The following ARFGAP1 variants were observed in gnomAD, a reference collection of about 807,000 sequenced individuals.
ARFGAP1 encodes the protein ADP-ribosylation factor GTPase-activating protein 1.
ARFGAP1 carries 26 observed loss-of-function variants against 54.0 expected under a neutral mutation model. That is an observed-to-expected ratio of 0.48 (90% confidence interval 0.35 to 0.67). ARFGAP1 has a LOEUF of 0.67. ARFGAP1 is among the 30% of genes least tolerant of loss of function. The pLI, the probability that ARFGAP1 is intolerant of heterozygous loss-of-function variation, is 0.00. For missense variants in ARFGAP1, 525 were observed against 535.8 expected (o/e 0.98, Z 0.20); for synonymous variants, 248 against 211.9 (o/e 1.17, Z -1.48).
intron 8 of ARFGAP1, among the ~76,000 whole-genome samples, chr20:63,281,990 G>A: frequency 6.6e-6 from 1 of 152,156 alleles, no homozygotes; most frequent in Non-Finnish European, 1.5e-5. Context: ...AAGTCACGGT[G>A]CGCACCTGTC....
At chr20:63,285,571 C>A in intron 10 of ARFGAP1, 83 bp from the exon 11 acceptor site, 1 of 1,455,060 alleles carries the variant, frequency 6.9e-7, no homozygotes, top group Non-Finnish European at 9.6e-7. Context: ...CGGATGCCCT[C>A]ACCCGGGGGA....
chr20:63,275,834 C>T (rs955466424), intron 2 of ARFGAP1, among the ~76,000 whole-genome samples, 194 bp downstream of exon 2: 2 of 152,196 alleles, frequency 1.3e-5, no homozygotes, highest in Non-Finnish European at 2.9e-5. Flanking sequence ...TTCTGGCGCT[C>T]ATCAGTGCTG....
At chr20:63,284,438 G>A (rs929889930) in intron 9 of ARFGAP1, 4 of 1,084,242 alleles carry the variant, frequency 3.7e-6, no homozygotes, top group African/African-American at 1.6e-5. Context: ...TTCTTCCTAT[G>A]GCCCCAGCCT....
At position 63,284,661 on chromosome 20, in the gene ARFGAP1, C is replaced by T. The variant is rs957499420; in HGVS notation, c.718-205C>T. ...TTCCTGCAAGAATTGGTGGGGGCCG[C>T]GGTCTCCGCCTTCTAGAGGTGGCGG... is the stretch of plus-strand genomic sequence containing the variant. On this transcript the variant is annotated intron_variant, in intron 9 of 12. Coordinates refer to ENST00000370283, the MANE Select transcript of ARFGAP1 (RefSeq NM_018209.4). 2.3e-5 allele frequency: 32 copies of T among 1,414,724 alleles called. 1 individual carries two copies. In the Admixed American group the frequency reaches 5.0e-4, roughly 22 times the overall value. The allele number at this position is 1,414,724 out of a possible 1,614,324, so 87.6% of individuals were successfully genotyped here. A position where few individuals can be genotyped will look rare whatever the true frequency, so the allele number is the denominator to read the frequency against.
At chr20:63,284,465 C>T (rs2067470299) in intron 9 of ARFGAP1, 4 of 1,111,306 alleles carry the variant, frequency 3.6e-6, no homozygotes, top group African/African-American at 1.6e-5. Context: ...CCTCTTCCCT[C>T]CAGGGGGGAC....
chr20:63,274,222 C>G (rs1379563824), intron 1 of ARFGAP1: 1 of 132,874 alleles, frequency 7.5e-6, no homozygotes, highest in Non-Finnish European at 1.5e-5. Context: ...TGTTTATTTC[C>G]TAACTTTGAA....
chr20:63,277,538 T>G (rs1343216440), intron 5 of ARFGAP1, among the ~76,000 whole-genome samples: 4 of 152,212 alleles, frequency 2.6e-5, no homozygotes, highest in Non-Finnish European at 5.9e-5. Context: ...GCCTTCCAGG[T>G]GTGCACACAG....
At chr20:63,279,238 G>A (rs554241137) in intron 7 of ARFGAP1, 11 of 579,824 alleles carry the variant, frequency 1.9e-5, no homozygotes, top group East Asian at 7.2e-5. Context: ...TTGCTTTGTC[G>A]CCCAGGCTGC....
chr20:63,274,842 A>G (rs1474029583), intron 1 of ARFGAP1, among the ~76,000 whole-genome samples: 1 of 152,210 alleles, frequency 6.6e-6, no homozygotes, highest in Non-Finnish European at 1.5e-5. Context: ...TGCTGAAGCT[A>G]GGAGAGCTGC....
chr20:63,285,473 A>G, intron 10 of ARFGAP1, 181 bp from the exon 11 acceptor site: 1 of 657,998 alleles, frequency 1.5e-6, no homozygotes. Context: ...TCACAGTGAC[A>G]TGGTTTCTTG....
intron 9 of ARFGAP1, chr20:63,284,275 C>T (rs1005294929): frequency 8.9e-7 from 1 of 1,118,146 alleles, no homozygotes; most frequent in Non-Finnish European, 1.1e-6. Flanking sequence ...AGGATCTTTG[C>T]TCTGTGACGA....
chr20:63,282,165 G>T (rs900495609), intron 8 of ARFGAP1, among the ~76,000 whole-genome samples: 1 of 152,222 alleles, frequency 6.6e-6, no homozygotes, highest in Non-Finnish European at 1.5e-5. Flanking sequence ...GGGAGAGGAA[G>T]GCCTGGGAGG....
chr20:63,286,819 G>T (rs1425892234), intron 12 of ARFGAP1: 2 of 244,070 alleles, frequency 8.2e-6, no homozygotes, highest in South Asian at 1.4e-4. Context: ...CTGCTCTGCT[G>T]TTCCTCTGTC....
intron 11 of ARFGAP1, chr20:63,285,925 C>T (rs2067523387): frequency 1.3e-5 from 19 of 1,478,174 alleles, no homozygotes; most frequent in Non-Finnish European, 1.7e-5. Flanking sequence ...CACTAACTGT[C>T]ACTTCTCCCT....
chr20:63,285,390 G>A (rs906558845), intron 10 of ARFGAP1: 86 of 558,016 alleles, frequency 1.5e-4, no homozygotes, highest in Admixed American at 3.5e-4. Context: ...CTGGGGCAGC[G>A]TGGGCTGTCC....
chr20:63,275,808 C>G (rs1216567445), intron 2 of ARFGAP1, among the ~76,000 whole-genome samples, 168 bp downstream of exon 2: 2 of 152,208 alleles, frequency 1.3e-5, no homozygotes, highest in Non-Finnish European at 2.9e-5. Flanking sequence ...GTGGCCGGCT[C>G]TTAGAGTGGT....
chr20:63,282,621 G>A lies in ARFGAP1; in HGVS notation c.685-198G>A, dbSNP rs556361304. On this transcript the variant is annotated intron_variant, in intron 8 of 12. Transcript: ENST00000370283. Reference sequence around the variant, plus strand: ...CACACCGAGCTGGCCTCCCTCTAGGGAGAGGCCAGCATTTGTGCTAATCCA... The same window carrying A: ...CACACCGAGCTGGCCTCCCTCTAGGAAGAGGCCAGCATTTGTGCTAATCCA... 1.4e-3 allele frequency among the ~76,000 whole-genome samples: 214 copies of A among 152,310 alleles called. 1 individual carries two copies. The highest frequency in any genetic ancestry group is 4.9e-3 in the African/African-American group (204 of 41,560).
At chr20:63,284,693 G>T in intron 9 of ARFGAP1, 173 bp from the exon 10 acceptor site, 3 of 1,448,860 alleles carry the variant, frequency 2.1e-6, no homozygotes, top group South Asian at 2.8e-5. Flanking sequence ...GCGGCCTACT[G>T]CCCTTCGGGT....
At chr20:63,284,963 C>T (rs539741277) in intron 10 of ARFGAP1, 41 bp downstream of exon 10, 1 of 1,608,642 alleles carries the variant, frequency 6.2e-7, no homozygotes, top group East Asian at 2.2e-5. Context: ...GAGCCCTTCA[C>T]TCCAGGGGAC....
Sources: gnomAD v4.1 joint callset for allele counts (sites outside exome capture counted in the v4.1 genomes callset) on GRCh38, gnomAD v4.1.1 for gene constraint, MANE v1.5 for transcripts, NCBI Gene and HGNC (gene_info 2026-07-23, HGNC 2026-07-21) for gene names.